AGBL4: variants seen among roughly 807,000 people sequenced by gnomAD.
AGBL4 encodes the protein AGBL carboxypeptidase 4.
AGBL4 carries 58 observed loss-of-function variants against 66.4 expected under a neutral mutation model. That is an observed-to-expected ratio of 0.87 (90% confidence interval 0.71 to 1.09). AGBL4 has a LOEUF of 1.09. Ranked by LOEUF, AGBL4 falls within the 50% of genes least tolerant of loss-of-function variation. AGBL4 has a pLI of 0.00. For missense variants in AGBL4, 579 were observed against 631.0 expected, an observed-to-expected ratio of 0.92 and a Z score of 0.88; for synonymous variants, 234 against 222.9, an observed-to-expected ratio of 1.05 and a Z score of -0.44.
intron 4 of AGBL4, among the ~76,000 whole-genome samples, chr1:49,144,447 T>C (rs1294644023): frequency 1.4e-5 from 2 of 142,186 alleles, no homozygotes; most frequent in Non-Finnish European, 3.1e-5. Flanking sequence ...GGAAAGGAAA[T>C]GGAGGGGAGG....
intron 4 of AGBL4, among the ~76,000 whole-genome samples, chr1:49,169,389 C>A (rs1646692015): frequency 6.6e-6 from 1 of 152,184 alleles, no homozygotes; most frequent in African/African-American, 2.4e-5. Flanking sequence ...TATTTCTACT[C>A]CTATAAGGGC....
At chr1:49,260,823 C>T (rs559109468) in intron 3 of AGBL4, among the ~76,000 whole-genome samples, 10 of 152,066 alleles carry the variant, frequency 6.6e-5, no homozygotes, top group African/African-American at 1.9e-4. Context: ...CCAGCATCAT[C>T]CTGATACCAA....
chr1:49,458,903 A>G (rs1473934438), intron 3 of AGBL4, among the ~76,000 whole-genome samples: 1 of 151,826 alleles, frequency 6.6e-6, no homozygotes, highest in Non-Finnish European at 1.5e-5. Flanking sequence ...CATCCCTGGT[A>G]TGAAAGCCAC....
At chr1:48,654,305 A>G (rs1446515123) in intron 7 of AGBL4, among the ~76,000 whole-genome samples, 7 of 151,386 alleles carry the variant, frequency 4.6e-5, no homozygotes, top group Non-Finnish European at 1.0e-4. Context: ...ATCTTCTGGA[A>G]GTGTGAATCT....
intron 4 of AGBL4, among the ~76,000 whole-genome samples, chr1:49,068,672 A>G (rs181329068): frequency 1.5e-3 from 231 of 152,332 alleles, no homozygotes; most frequent in African/African-American, 5.3e-3. Flanking sequence ...GCTACTGTGA[A>G]CAGTGCTGCA....
At chr1:48,605,288 C>T (rs949698437) in intron 9 of AGBL4, among the ~76,000 whole-genome samples, 8 of 152,196 alleles carry the variant, frequency 5.3e-5, no homozygotes, top group African/African-American at 1.9e-4. Context: ...ATCAGGTCCT[C>T]AAGAATCTGC....
chr1:49,778,515 G>C (rs1644254855), intron 2 of AGBL4, among the ~76,000 whole-genome samples: 1 of 152,170 alleles, frequency 6.6e-6, no homozygotes, highest in Non-Finnish European at 1.5e-5. Flanking sequence ...GGCAAACTTG[G>C]TGGTGAGCAA....
chr1:49,868,715 G>A (rs192558791), intron 1 of AGBL4, among the ~76,000 whole-genome samples: 24 of 152,140 alleles, frequency 1.6e-4, no homozygotes, highest in Admixed American at 1.2e-3. Context: ...TGATGAAAAC[G>A]TCAAAAGCAA....
intron 5 of AGBL4, among the ~76,000 whole-genome samples, chr1:48,893,755 C>T (rs1408873659): frequency 6.6e-6 from 1 of 152,012 alleles, no homozygotes; most frequent in Non-Finnish European, 1.5e-5. Context: ...TCTACCATTT[C>T]TACCATGCGA....
At chr1:48,550,951 G>A (rs1401331277) in intron 11 of AGBL4, among the ~76,000 whole-genome samples, 1 of 152,144 alleles carries the variant, frequency 6.6e-6, no homozygotes, top group East Asian at 1.9e-4. Context: ...TTCCTCCACT[G>A]CTATTGCATT....
chr1:49,063,002 T>G (rs1644429805), intron 4 of AGBL4, among the ~76,000 whole-genome samples: 1 of 151,996 alleles, frequency 6.6e-6, no homozygotes, highest in South Asian at 2.1e-4. Context: ...TTTAGGGTTA[T>G]TATGTTAATT....
chr1:48,797,177 T>C (rs1645699392), intron 6 of AGBL4, among the ~76,000 whole-genome samples: 1 of 152,196 alleles, frequency 6.6e-6, no homozygotes, highest in African/African-American at 2.4e-5. Context: ...AAAACCCTTG[T>C]TCCCATTTCA....
intron 6 of AGBL4, among the ~76,000 whole-genome samples, chr1:48,784,971 C>A (rs1356413521): frequency 6.6e-6 from 1 of 152,212 alleles, no homozygotes; most frequent in South Asian, 2.1e-4. Flanking sequence ...AAAAATGCAA[C>A]TCGCTTCTTG....
At chr1:49,980,651 T>G (rs990263564) in intron 1 of AGBL4, among the ~76,000 whole-genome samples, 1 of 152,196 alleles carries the variant, frequency 6.6e-6, no homozygotes, top group Non-Finnish European at 1.5e-5. Context: ...TACCACATTT[T>G]GTGTATCCAT....
At chr1:48,783,268 C>A (rs961405105) in intron 6 of AGBL4, among the ~76,000 whole-genome samples, 1 of 152,116 alleles carries the variant, frequency 6.6e-6, no homozygotes. Context: ...TGTAGTCACA[C>A]CATAAAGCAG....
intron 6 of AGBL4, among the ~76,000 whole-genome samples, chr1:48,735,440 GGAGGAAGGAGAGAAAGTA>G (rs1308989816): frequency 6.6e-6 from 1 of 151,562 alleles, no homozygotes; most frequent in South Asian, 2.1e-4. Context: ...AAAGAAGAGA[GGAGGAAGGAGAGAAAGTA>G]GAGGAAGGAG....
intron 3 of AGBL4, among the ~76,000 whole-genome samples, chr1:49,312,998 A>G (rs1473073727): frequency 6.6e-6 from 1 of 151,888 alleles, no homozygotes; most frequent in Non-Finnish European, 1.5e-5. Flanking sequence ...TACATTAGGT[A>G]TTTCTCCTAA....
chr1:48,748,739 A>T (rs544150793), intron 6 of AGBL4, among the ~76,000 whole-genome samples: 1 of 152,144 alleles, frequency 6.6e-6, no homozygotes, highest in Admixed American at 6.5e-5. Flanking sequence ...CGGTTAAGGG[A>T]TCCTAGAAGG....
chr1:48,887,002 C>T (rs995341004), intron 5 of AGBL4, among the ~76,000 whole-genome samples: 43 of 152,086 alleles, frequency 2.8e-4, no homozygotes, highest in African/African-American at 1.0e-3. Flanking sequence ...TGGAGGAAAG[C>T]AGTGAAGTCT....
Sources: allele counts gnomAD v4.1 joint callset (sites outside exome capture counted in the v4.1 genomes callset), GRCh38; gene constraint gnomAD v4.1.1; transcripts MANE v1.5; gene names NCBI Gene and HGNC (gene_info 2026-07-23, HGNC 2026-07-21).